GULP1: variants seen among roughly 807,000 people sequenced by gnomAD.
The protein encoded by GULP1 is PTB domain-containing engulfment adapter protein 1.
Under a neutral mutation model 40.9 loss-of-function variants are expected in GULP1, and 19 were observed. The observed-to-expected ratio is 0.46, with a 90% CI of 0.32 to 0.68. The LOEUF is 0.68. Ranked by LOEUF, GULP1 falls within the 30% of genes least tolerant of loss-of-function variation. GULP1 has a pLI of 0.03. For missense variants in GULP1, 312 were observed against 362.2 expected, an observed-to-expected ratio of 0.86 and a Z score of 1.12; for synonymous variants, 119 against 117.6, an observed-to-expected ratio of 1.01 and a Z score of -0.08.
At chr2:188,565,011 A>G (rs1697301196) in intron 7 of GULP1, among the ~76,000 whole-genome samples, 1 of 151,964 alleles carries the variant, frequency 6.6e-6, no homozygotes, top group Non-Finnish European at 1.5e-5. Flanking sequence ...AAAAATTATG[A>G]AAATTATCTC....
At chr2:188,327,001 T>C (rs1051291572) in intron 1 of GULP1, among the ~76,000 whole-genome samples, 11 of 152,168 alleles carry the variant, frequency 7.2e-5, no homozygotes, top group African/African-American at 2.7e-4. Context: ...TCGAGGGCTC[T>C]AGCTGAACTC....
intron 2 of GULP1, among the ~76,000 whole-genome samples, chr2:188,445,694 G>A (rs1199257099): frequency 6.6e-6 from 1 of 152,180 alleles, no homozygotes; most frequent in Non-Finnish European, 1.5e-5. Flanking sequence ...GTGGAAGTCA[G>A]AGATTTTTGG....
At chr2:188,386,400 GA>G (rs1328029936) in intron 2 of GULP1, among the ~76,000 whole-genome samples, 1 of 152,102 alleles carries the variant, frequency 6.6e-6, no homozygotes, top group Non-Finnish European at 1.5e-5. Flanking sequence ...AATTCAAGGT[GA>G]AATTTGGGTG....
chr2:188,337,114 CTATATCTAT>C, intron 1 of GULP1, among the ~76,000 whole-genome samples: 2 of 151,228 alleles, frequency 1.3e-5, no homozygotes, highest in South Asian at 2.1e-4. Context: ...ATATCTATAT[CTATATCTAT>C]ATCTATATCT....
At chr2:188,353,028 G>T (rs2044722499) in intron 1 of GULP1, among the ~76,000 whole-genome samples, 1 of 152,064 alleles carries the variant, frequency 6.6e-6, no homozygotes, top group South Asian at 2.1e-4. Flanking sequence ...AGCTAAGTTT[G>T]TATGCAAAAA....
At chr2:188,496,921 T>C (rs1048530550) in intron 4 of GULP1, among the ~76,000 whole-genome samples, 4 of 151,950 alleles carry the variant, frequency 2.6e-5, no homozygotes, top group African/African-American at 4.8e-5. Context: ...GCTCTGGCCA[T>C]GTAAGATGTT....
intron 7 of GULP1, among the ~76,000 whole-genome samples, chr2:188,555,861 C>A (rs1694607587): frequency 6.7e-6 from 1 of 150,128 alleles, no homozygotes; most frequent in East Asian, 2.0e-4. Flanking sequence ...GAGTTTGAGA[C>A]CAGCCTGGCC....
chr2:188,373,942 T>C (rs1255576553), intron 1 of GULP1, among the ~76,000 whole-genome samples: 1 of 152,042 alleles, frequency 6.6e-6, no homozygotes, highest in Admixed American at 6.6e-5. Context: ...TTTACAGTTT[T>C]AAAAATTGGT....
chr2:188,328,629 T>C (rs1347748064), intron 1 of GULP1, among the ~76,000 whole-genome samples: 1 of 152,172 alleles, frequency 6.6e-6, no homozygotes, highest in Non-Finnish European at 1.5e-5. Context: ...TGCATCAGCT[T>C]TGGGGAGTCT....
At chr2:188,384,635 A>G (rs1211197756) in intron 2 of GULP1, among the ~76,000 whole-genome samples, 1 of 152,106 alleles carries the variant, frequency 6.6e-6, no homozygotes, top group African/African-American at 2.4e-5. Context: ...CCAGAGTCTC[A>G]TTAGAGACAA....
Position 188,309,452 on chromosome 2 carries a change from C to A in GULP1, c.-172+17286C>A, listed in dbSNP as rs114285625. Among the ~76,000 whole-genome samples the A allele has an allele frequency of 2.7e-3, 409 of 152,154 alleles. 1 individual carries two copies. The highest frequency in any genetic ancestry group is 9.6e-3 in the African/African-American group (397 of 41,488). On this transcript the variant is annotated intron_variant, in intron 1 of 11. Transcript: ENST00000409830. ...CTGCACTTCAGTCTGGGCAATAGAG[C>A]GAGACCCTCTCTCAAAATAAATAAA...
chr2:188,569,102 C>G (rs1698470613), intron 7 of GULP1, 137 bp from the exon 8 acceptor site: 2 of 595,420 alleles, frequency 3.4e-6, no homozygotes, highest in Non-Finnish European at 6.1e-6. Flanking sequence ...TAATACATCT[C>G]TACTCCCAAC....
At chr2:188,353,796 C>T (rs2044852449) in intron 1 of GULP1, among the ~76,000 whole-genome samples, 1 of 151,784 alleles carries the variant, frequency 6.6e-6, no homozygotes, top group Non-Finnish European at 1.5e-5. Context: ...AGAAACAGTG[C>T]TTTGGTCACC....
Position 188,426,822 on chromosome 2 carries a change from T to C in GULP1, c.-45+42933T>C, listed in dbSNP as rs144493469. 5.8e-4 allele frequency among the ~76,000 whole-genome samples: 89 copies of C among 152,286 alleles called. 2 individuals carry two copies. The East Asian group carries it at 0.015, about 26-fold the overall frequency. On this transcript the variant is annotated intron_variant, in intron 2 of 11. Transcript: ENST00000409830. ...TGAAAGTAACTTTGGAACTGGGTCATGGGCAGAGGTTAGAAGAGCATGCAG... is the reference window on the plus strand; with the variant it reads ...TGAAAGTAACTTTGGAACTGGGTCACGGGCAGAGGTTAGAAGAGCATGCAG...
intron 6 of GULP1, among the ~76,000 whole-genome samples, chr2:188,532,277 A>G (rs1304759178): frequency 6.6e-6 from 1 of 152,210 alleles, no homozygotes; most frequent in East Asian, 1.9e-4. Flanking sequence ...ACGTTTAAAT[A>G]TTTACAAAAT....
chr2:188,477,788 G>T, intron 3 of GULP1, 58 bp downstream of exon 3: 1 of 1,280,590 alleles, frequency 7.8e-7, no homozygotes, highest in South Asian at 1.3e-5. Flanking sequence ...ATGAACATAA[G>T]CAGCGATGTT....
Position 188,522,839 on chromosome 2 carries a change from C to G in GULP1, c.162+12C>G, listed in dbSNP as rs761313419. The G allele has an allele frequency of 1.3e-6, 2 of 1,544,688 alleles. No individual in the cohort carries two copies. Among genetic ancestry groups the G allele is most frequent in the South Asian group, 1.1e-5 (1 of 89,618 alleles). ...TAAGGAAACTAAAGGTAGGGAAAGG[C>G]CTTCAAATAAATTACAAGTGTATTG... On this transcript the variant is annotated intron_variant, in intron 5 of 11. Coordinates refer to ENST00000409830, the MANE Select transcript of GULP1 (RefSeq NM_016315.4).
chr2:188,378,910 G>A (rs1211419713), intron 1 of GULP1, among the ~76,000 whole-genome samples: 1 of 152,088 alleles, frequency 6.6e-6, no homozygotes, highest in Non-Finnish European at 1.5e-5. Context: ...TGGGTAGAAG[G>A]TGTCTAAATA....
intron 2 of GULP1, among the ~76,000 whole-genome samples, chr2:188,449,677 C>T (rs934696798): frequency 1.4e-4 from 22 of 152,130 alleles, no homozygotes; most frequent in Non-Finnish European, 1.5e-5. Flanking sequence ...TACATTTCTG[C>T]TAATGGGAAA....
Sources: gnomAD v4.1 joint callset for allele counts (sites outside exome capture counted in the v4.1 genomes callset) on GRCh38, gnomAD v4.1.1 for gene constraint, MANE v1.5 for transcripts, NCBI Gene and HGNC (gene_info 2026-07-23, HGNC 2026-07-21) for gene names.